The following EDNRB variants were observed in gnomAD, a reference collection of about 807,000 sequenced individuals.
EDNRB encodes the protein endothelin receptor type B.
Under a neutral mutation model 46.4 loss-of-function variants are expected in EDNRB, and 18 were observed. That is an observed-to-expected ratio of 0.39 (90% CI 0.27 to 0.57). The LOEUF (loss-of-function observed/expected upper bound fraction) is 0.57, where lower values mean the gene tolerates loss of function less well. Ranked by LOEUF, EDNRB falls within the 20% of genes least tolerant of loss-of-function variation. The pLI is 0.61. For synonymous variants in EDNRB, 213 were observed against 204.9 expected, an observed-to-expected ratio of 1.04 and a Z score of -0.34; for missense variants, 434 against 537.5, an observed-to-expected ratio of 0.81 and a Z score of 1.90.
At chr13:77,944,248 A>C (rs1219691185) in intron 1 of EDNRB, among the ~76,000 whole-genome samples, 1 of 152,164 alleles carries the variant, frequency 6.6e-6, no homozygotes, top group African/African-American at 2.4e-5. Flanking sequence ...AATATTGCTC[A>C]AAGTGCATTA....
At chr13:77,923,091 T>G (rs1253930445), upstream of EDNRB, among the ~76,000 whole-genome samples, 2 of 152,170 alleles carry the variant, frequency 1.3e-5, no homozygotes, top group African/African-American at 4.8e-5. Flanking sequence ...TAATTAAAAT[T>G]TGATAGGTTT....
At chr13:77,950,199 T>C (rs891038525) in intron 1 of EDNRB, among the ~76,000 whole-genome samples, 2 of 152,186 alleles carry the variant, frequency 1.3e-5, no homozygotes, top group Non-Finnish European at 2.9e-5. Context: ...TTCAGAGAAA[T>C]GACCAAACTC....
intron 1 of EDNRB, among the ~76,000 whole-genome samples, chr13:77,955,450 G>C (rs1308147869): frequency 6.6e-6 from 1 of 151,838 alleles, no homozygotes. Flanking sequence ...TGTTTCCTTT[G>C]CCATGCAAAA....
intron 1 of EDNRB, among the ~76,000 whole-genome samples, chr13:77,940,966 G>T (rs1392972782): frequency 6.6e-6 from 1 of 152,218 alleles, no homozygotes; most frequent in African/African-American, 2.4e-5. Context: ...TATTGATTAA[G>T]ACAGGAATCC....
At chr13:77,927,477 C>T (rs960581964) in intron 1 of EDNRB, among the ~76,000 whole-genome samples, 24 of 152,130 alleles carry the variant, frequency 1.6e-4, no homozygotes, top group African/African-American at 4.1e-4. Flanking sequence ...GACAAATTTC[C>T]GCTTTTTGAC....
chr13:77,928,388 CTTTA>C lies in EDNRB; in HGVS notation c.-51-9768_-51-9765del, dbSNP rs1342272755. The stretch of plus-strand genomic sequence containing the variant: ...GTACACTTAGGAAATATTTCATTCC[CTTTA>C]TTTATCACAGGGTGGTTTCAGTATT... On this transcript the variant is annotated intron_variant, in intron 1 of 7. Coordinates refer to the EDNRB transcript ENST00000646948. Among the ~76,000 whole-genome samples the C allele has an allele frequency of 4.6e-5, 7 of 152,156 alleles. No individual in the cohort carries two copies. The East Asian group carries it at 1.4e-3, about 29-fold the overall frequency.
At position 77,916,669 on chromosome 13, in the gene EDNRB, C is replaced by T. The variant is rs12720178; in HGVS notation, c.483+1422G>A. Among the ~76,000 whole-genome samples, 39 of 152,294 alleles carry T rather than the reference C, an allele frequency of 2.6e-4. No individual in the cohort carries two copies. The South Asian group carries it at 7.9e-3, about 31-fold the overall frequency. ...CAGGCATGCCTTATGGTAACTACTCCTGCCAATAGGTCAAAGCATTCCCTA... is the reference window on the plus strand; with the variant it reads ...CAGGCATGCCTTATGGTAACTACTCTTGCCAATAGGTCAAAGCATTCCCTA... On this transcript the variant is annotated intron_variant, in intron 1 of 6. Transcript: ENST00000646607.
chr13:77,963,526 T>A (rs1371603586), intron 1 of EDNRB, among the ~76,000 whole-genome samples: 2 of 152,270 alleles, frequency 1.3e-5, no homozygotes, highest in East Asian at 3.9e-4. Flanking sequence ...GGGAAAGGAT[T>A]CCCTATTTAA....
Position 77,896,561 on chromosome 13 carries a change from A to G in EDNRB, c.*1639T>C, listed in dbSNP as rs200772993. ...TTATTTCCAACATGTGGCCCAGCCT[A>G]TTAAAAGAAAAACAAAGTAAAAATT... On this transcript the variant is annotated 3_prime_UTR_variant, in exon 7 of 7. Coordinates refer to ENST00000646607, the MANE Select transcript of EDNRB (RefSeq NM_001122659.3). 1.9e-6 allele frequency: 3 copies of G among 1,553,108 alleles called. No individual in the cohort carries two copies. The highest frequency in any genetic ancestry group is 4.8e-5 in the East Asian group (2 of 41,852).
At position 77,915,301 on chromosome 13, in the gene EDNRB, C is replaced by T. The variant is rs143184089; in HGVS notation, c.483+2790G>A. ...CCAGCTGAAGGGGGTTTCAAGAGAC[C>T]GAAATCCTGACTCAAATTAATTTCT... On this transcript the variant is annotated intron_variant, in intron 1 of 6. Transcript: ENST00000646607. Among the ~76,000 whole-genome samples, 467 of 152,186 alleles carry T rather than the reference C, an allele frequency of 3.1e-3. 1 individual carries two copies. The highest frequency in any genetic ancestry group is 5.4e-3 in the Non-Finnish European group (367 of 68,006).
upstream of EDNRB, chr13:77,919,482 C>T: frequency 6.2e-7 from 1 of 1,612,846 alleles, no homozygotes; most frequent in Non-Finnish European, 8.5e-7. Flanking sequence ...CCAGCCTGCT[C>T]TGGGAGAGGA....
intron 1 of EDNRB, among the ~76,000 whole-genome samples, chr13:77,946,124 G>A (rs138864503): frequency 0.014 from 2,187 of 152,236 alleles, 46 homozygotes; most frequent in East Asian, 0.024. Flanking sequence ...TGTGATATAC[G>A]TGTAGAAAAA....
intron 5 of EDNRB, 50 bp downstream of exon 5, chr13:77,900,471 C>T (rs1352704383): frequency 6.2e-7 from 1 of 1,609,740 alleles, no homozygotes; most frequent in African/African-American, 1.3e-5. Context: ...GATGGAAACA[C>T]TTCTGAGTGG....
At chr13:77,918,911 G>A, upstream of EDNRB, 1 of 1,218,084 alleles carries the variant, frequency 8.2e-7, no homozygotes, top group East Asian at 3.5e-5. The surrounding 1 kb of genome is among the most constrained non-coding windows in gnomAD (Gnocchi z 4.5). Context: ...AGGGAATGAT[G>A]GGGGTCCCAG....
chr13:77,964,661 G>A (rs150066261), intron 1 of EDNRB, among the ~76,000 whole-genome samples: 2 of 152,284 alleles, frequency 1.3e-5, no homozygotes, highest in East Asian at 1.9e-4. Context: ...ATAGCATTAG[G>A]AGATATACCT....
intron 1 of EDNRB, among the ~76,000 whole-genome samples, chr13:77,925,165 C>G (rs1216849987): frequency 6.6e-6 from 1 of 152,170 alleles, no homozygotes; most frequent in Admixed American, 6.5e-5. Flanking sequence ...CTTTCTGGGA[C>G]TGGCTTGTTT....
At position 77,895,556 on chromosome 13, in the gene EDNRB, A is replaced by G. The variant is rs1878576173; in HGVS notation, c.*2644T>C. 1 of 152,090 alleles carries G rather than the reference A, an allele frequency of 6.6e-6. No individual in the cohort carries two copies. The highest frequency in any genetic ancestry group is 6.6e-5 in the Admixed American group (1 of 15,240). The allele number at this position is 152,090 out of a possible 1,614,324, so 9.4% of individuals were successfully genotyped here. ...GATAATTGTATATTTAACATAAATA[A>G]TGTCCACTTGTCACATTTATATTTC... On this transcript the variant is annotated 3_prime_UTR_variant, in exon 7 of 7. Transcript: ENST00000646607.
At chr13:77,970,074 G>A (rs1881686258) in intron 1 of EDNRB, among the ~76,000 whole-genome samples, 1 of 152,274 alleles carries the variant, frequency 6.6e-6, no homozygotes, top group African/African-American at 2.4e-5. Flanking sequence ...AGGAACCAGT[G>A]TCTGCATTTT....
intron 1 of EDNRB, among the ~76,000 whole-genome samples, chr13:77,974,131 C>A (rs1466475143): frequency 3.3e-5 from 5 of 151,990 alleles, no homozygotes; most frequent in African/African-American, 1.2e-4. Flanking sequence ...ATTAATAAGA[C>A]CTTGTTTTGT....
Sources: allele counts gnomAD v4.1 joint callset (sites outside exome capture counted in the v4.1 genomes callset), GRCh38; gene constraint gnomAD v4.1.1; non-coding constraint Gnocchi (gnomAD v3.1); transcripts MANE v1.5; gene names NCBI Gene and HGNC (gene_info 2026-07-23, HGNC 2026-07-21).